Variants in GABRG3 observed in about 807,000 individuals in gnomAD.
GABRG3 encodes the protein gamma-aminobutyric acid type A receptor subunit gamma3.
Under a neutral mutation model 48.8 loss-of-function variants are expected in GABRG3, and 25 were observed. The observed-to-expected ratio is 0.51, with a 90% CI of 0.37 to 0.72. The LOEUF (loss-of-function observed/expected upper bound fraction) is 0.72. GABRG3 is among the 30% of genes least tolerant of loss of function. GABRG3 has a pLI of 0.00. For synonymous variants in GABRG3, 227 were observed against 217.6 expected, an observed-to-expected ratio of 1.04 and a Z score of -0.38; for missense variants, 394 against 577.9, an observed-to-expected ratio of 0.68 and a Z score of 3.26.
chr15:27,418,014 A>C (rs1388597436), intron 5 of GABRG3, among the ~76,000 whole-genome samples: 2 of 152,232 alleles, frequency 1.3e-5, no homozygotes, highest in Non-Finnish European at 2.9e-5. Context: ...CATCACCTGC[A>C]GAGGCTCAGG....
intron 5 of GABRG3, among the ~76,000 whole-genome samples, chr15:27,408,401 A>C (rs1887701219): frequency 6.6e-6 from 1 of 152,198 alleles, no homozygotes; most frequent in African/African-American, 2.4e-5. Context: ...GTGATCGTGC[A>C]GCTATTTGTT....
intron 5 of GABRG3, among the ~76,000 whole-genome samples, chr15:27,411,494 C>T (rs1345632881): frequency 1.3e-5 from 2 of 152,186 alleles, no homozygotes; most frequent in East Asian, 3.9e-4. Flanking sequence ...CCTTGCATTA[C>T]TGAGATCCAG....
intron 5 of GABRG3, among the ~76,000 whole-genome samples, chr15:27,436,292 T>TG (rs200505612): frequency 9.2e-5 from 14 of 151,876 alleles, no homozygotes; most frequent in Admixed American, 2.6e-4. Flanking sequence ...TAATCCCACT[T>TG]GTGGGGGGAA....
chr15:27,276,187 G>A (rs1362084398), intron 3 of GABRG3, among the ~76,000 whole-genome samples: 1 of 152,194 alleles, frequency 6.6e-6, no homozygotes, highest in Non-Finnish European at 1.5e-5. Context: ...AAGGCTTTGG[G>A]TAGGCCTTCC....
chr15:27,030,180 T>C (rs932444446), intron 3 of GABRG3, among the ~76,000 whole-genome samples: 2 of 152,218 alleles, frequency 1.3e-5, no homozygotes, highest in Admixed American at 6.5e-5. Context: ...TAAATTTGTA[T>C]TGGGGGTTTG....
intron 5 of GABRG3, among the ~76,000 whole-genome samples, chr15:27,437,246 T>A (rs1377255369): frequency 6.6e-6 from 1 of 152,160 alleles, no homozygotes; most frequent in Non-Finnish European, 1.5e-5. Context: ...GCTCACATGA[T>A]TCAATTTATT....
intron 2 of GABRG3, among the ~76,000 whole-genome samples, chr15:26,990,061 T>G (rs1384933618): frequency 1.3e-5 from 2 of 152,234 alleles, no homozygotes; most frequent in African/African-American, 2.4e-5. Context: ...ATCTTGGCTA[T>G]TGTGAACAGT....
At chr15:27,155,005 C>G (rs1898392568) in intron 3 of GABRG3, among the ~76,000 whole-genome samples, 1 of 151,680 alleles carries the variant, frequency 6.6e-6, no homozygotes, top group South Asian at 2.1e-4. Context: ...TCCATTCTTC[C>G]TGGACTTCCA....
rs112060063 is a variant in GABRG3, at chr15:26,976,573, C to T, written c.54-429C>T. Among the ~76,000 whole-genome samples, 2,108 of 152,162 alleles carry T rather than the reference C, an allele frequency of 0.014. 33 individuals are homozygous for T. The highest frequency in any genetic ancestry group is 0.075 in the Middle Eastern group (22 of 294). Reference sequence around the variant, plus strand: ...CTGCAAAAGCTAATCTCACCTTCAACGAAAATGAGGTCTTGGTGGTCAGGG... The same window carrying T: ...CTGCAAAAGCTAATCTCACCTTCAATGAAAATGAGGTCTTGGTGGTCAGGG... On this transcript the variant is annotated intron_variant, in intron 1 of 9. Coordinates refer to ENST00000615808, the MANE Select transcript of GABRG3 (RefSeq NM_033223.5). The surrounding 1 kb of genome is among the most constrained non-coding windows in gnomAD (Gnocchi z 7.8).
At chr15:27,103,122 A>G (rs1465690932) in intron 3 of GABRG3, among the ~76,000 whole-genome samples, 1 of 152,146 alleles carries the variant, frequency 6.6e-6, no homozygotes, top group Non-Finnish European at 1.5e-5. Flanking sequence ...AGGTGTTGTG[A>G]TCTGTATGAA....
At chr15:27,466,893 T>G (rs1367717071) in intron 5 of GABRG3, among the ~76,000 whole-genome samples, 2 of 152,314 alleles carry the variant, frequency 1.3e-5, no homozygotes, top group South Asian at 2.1e-4. Context: ...GAAAAGAACT[T>G]TTTAATATGG....
chr15:27,229,153 G>A (rs1889717278), intron 3 of GABRG3, among the ~76,000 whole-genome samples: 1 of 152,134 alleles, frequency 6.6e-6, no homozygotes, highest in Non-Finnish European at 1.5e-5. Flanking sequence ...CCTATGTCCA[G>A]GGTGGTATTG....
At chr15:27,517,507 G>A (rs890637059) in intron 6 of GABRG3, among the ~76,000 whole-genome samples, 1 of 152,214 alleles carries the variant, frequency 6.6e-6, no homozygotes, top group African/African-American at 2.4e-5. Context: ...CTCACCCCAG[G>A]CAGGGAGAAA....
intron 2 of GABRG3, among the ~76,000 whole-genome samples, chr15:27,019,213 C>T (rs1049837919): frequency 9.9e-5 from 15 of 151,810 alleles, no homozygotes; most frequent in African/African-American, 2.7e-4. Flanking sequence ...GGACTACAGG[C>T]GCCCGCCACC....
intron 3 of GABRG3, among the ~76,000 whole-genome samples, chr15:27,307,886 T>C (rs937786712): frequency 2.8e-5 from 3 of 105,276 alleles, no homozygotes; most frequent in African/African-American, 1.2e-4. Flanking sequence ...TATGTTTATA[T>C]ATAAAATATA....
At chr15:27,072,228 T>A (rs1452982983) in intron 3 of GABRG3, among the ~76,000 whole-genome samples, 1 of 152,186 alleles carries the variant, frequency 6.6e-6, no homozygotes. Context: ...CATTATTTAT[T>A]TTTTCATATT....
chr15:27,248,767 A>AACACACACACAC (rs150140195), intron 3 of GABRG3, among the ~76,000 whole-genome samples: 80 of 117,086 alleles, frequency 6.8e-4, no homozygotes, highest in East Asian at 2.3e-3. Flanking sequence ...TGAGAAGGAA[A>AACACACACACAC]ACACACACAC....
chr15:27,518,846 A>G (rs921037767), intron 6 of GABRG3, among the ~76,000 whole-genome samples: 4 of 152,234 alleles, frequency 2.6e-5, no homozygotes, highest in African/African-American at 7.2e-5. Flanking sequence ...CTAGTGTTTT[A>G]CAAAGTTCCT....
intron 5 of GABRG3, among the ~76,000 whole-genome samples, chr15:27,403,444 G>T (rs1887531071): frequency 6.6e-6 from 1 of 152,114 alleles, no homozygotes; most frequent in African/African-American, 2.4e-5. Flanking sequence ...TGGTGAATAA[G>T]AATGTGATTA....
Sources: gnomAD v4.1 joint callset for allele counts (sites outside exome capture counted in the v4.1 genomes callset) on GRCh38, gnomAD v4.1.1 for gene constraint, Gnocchi (gnomAD v3.1) non-coding constraint, MANE v1.5 for transcripts, NCBI Gene and HGNC (gene_info 2026-07-23, HGNC 2026-07-21) for gene names.